CR1L: variants seen among roughly 807,000 people sequenced by gnomAD.
CR1L encodes the protein complement C3b/C4b receptor 1 like.
A neutral mutation model predicts 62.3 loss-of-function variants in CR1L; 59 were observed. The observed-to-expected ratio is 0.95, with a 90% CI of 0.77 to 1.18. The LOEUF is 1.18. CR1L is among the 50% of genes most tolerant of loss of function. The pLI is 0.00. For synonymous variants in CR1L, 279 were observed against 248.7 expected (o/e 1.12, Z -1.15); for missense variants, 700 against 702.8 (o/e 1.00, Z 0.04).
Position 207,677,619 on chromosome 1 carries a change from T to C in CR1L, c.277+51T>C, listed in dbSNP as rs146528197. On this transcript the variant is annotated intron_variant, in intron 2 of 11. Coordinates refer to ENST00000508064, the MANE Select transcript of CR1L (RefSeq NM_175710.2). ...CTCTGTTAGTCAAACATCTGTAAGATCTGATTCAATTTGTTCAAATTTTGT... is the reference window on the plus strand; with the variant it reads ...CTCTGTTAGTCAAACATCTGTAAGACCTGATTCAATTTGTTCAAATTTTGT... 105 of 1,575,792 alleles carry C rather than the reference T, an allele frequency of 6.7e-5. No homozygotes were observed. The East Asian group carries it at 1.4e-3, about 21-fold the overall frequency.
intron 11 of CR1L, among the ~76,000 whole-genome samples, chr1:207,718,085 G>T (rs1346709634): frequency 6.6e-6 from 1 of 152,200 alleles, no homozygotes; most frequent in Non-Finnish European, 1.5e-5. Context: ...ACATGATGAT[G>T]TAATTTACTT....
At chr1:207,703,109 G>A (rs1664217996) in intron 9 of CR1L, among the ~76,000 whole-genome samples, 1 of 152,186 alleles carries the variant, frequency 6.6e-6, no homozygotes, top group Non-Finnish European at 1.5e-5. Context: ...GGTGCAAGGT[G>A]AAGCAACAAG....
At chr1:207,694,783 C>A (rs773688233) in intron 5 of CR1L, 32 bp downstream of exon 5, 44 of 1,611,612 alleles carry the variant, frequency 2.7e-5, no homozygotes, top group Non-Finnish European at 3.6e-5. Context: ...AAGGGCCCTG[C>A]CAGTGACATG....
chr1:207,708,838 T>G (rs4147106), intron 10 of CR1L: 226,933 of 392,432 alleles, frequency 0.58, 70,220 homozygotes, highest in East Asian at 0.87. Flanking sequence ...TTCAAACCCA[T>G]CTGGTGGGAG....
intron 1 of CR1L, chr1:207,655,303 TA>T: frequency 1.8e-6 from 1 of 549,572 alleles, no homozygotes. Context: ...TTTTTTTTTT[TA>T]ATTCAGACCA....
intron 10 of CR1L, among the ~76,000 whole-genome samples, chr1:207,712,255 C>A (rs1440515254): frequency 1.3e-5 from 2 of 152,214 alleles, no homozygotes; most frequent in African/African-American, 4.8e-5. Context: ...GTGACAGTCT[C>A]ATTACCTGAA....
rs116455739 is a variant in CR1L, at chr1:207,717,547, G to A, written c.1498G>A (p.Val500Ile). Residue 500 changes from valine (V) to isoleucine (I), a missense_variant, in exon 11 of 12, where the codon GTA becomes ATA. Physicochemically the swap from Val to Ile is conservative, Grantham distance 29. Coordinates refer to ENST00000508064, the MANE Select transcript of CR1L (RefSeq NM_175710.2). ...TGGAGATATTCCCTATGGAAAAGAAGTATCTTACACATGTGACCCCCACCC... is the reference window on the plus strand; with the variant it reads ...TGGAGATATTCCCTATGGAAAAGAAATATCTTACACATGTGACCCCCACCC... ...PLGDIPYGKEVSYTCDPHPDR... is the reference protein window; with the variant it reads ...PLGDIPYGKEISYTCDPHPDR... 0.058 allele frequency: 94,035 copies of A among 1,613,724 alleles called. 3,177 individuals are homozygous for A. The highest frequency in any genetic ancestry group is 0.067 in the Non-Finnish European group (78,961 of 1,179,704).
intron 9 of CR1L, among the ~76,000 whole-genome samples, chr1:207,707,917 T>A (rs1426229337): frequency 6.6e-6 from 1 of 152,044 alleles, no homozygotes; most frequent in African/African-American, 2.4e-5. Context: ...AAATGATTGT[T>A]TTATTTTGGT....
intron 3 of CR1L, among the ~76,000 whole-genome samples, chr1:207,680,931 G>A (rs1250741296): frequency 1.3e-5 from 2 of 152,174 alleles, no homozygotes; most frequent in African/African-American, 4.8e-5. Context: ...CTATGTAAGT[G>A]ATACCTTACG....
intron 1 of CR1L, among the ~76,000 whole-genome samples, chr1:207,663,646 T>C (rs1459031994): frequency 1.3e-5 from 2 of 152,228 alleles, no homozygotes; most frequent in East Asian, 3.8e-4. Flanking sequence ...CTGCACCCAC[T>C]GTCCTGCACT....
chr1:207,707,324 G>C (rs1664282317), intron 9 of CR1L, among the ~76,000 whole-genome samples: 2 of 152,140 alleles, frequency 1.3e-5, no homozygotes, highest in Admixed American at 1.3e-4. Context: ...TCATGAAAAA[G>C]GTAGTGAAAG....
At chr1:207,663,359 C>A (rs1663456952) in intron 1 of CR1L, among the ~76,000 whole-genome samples, 1 of 152,230 alleles carries the variant, frequency 6.6e-6, no homozygotes, top group South Asian at 2.1e-4. Context: ...GCCCCTCCCC[C>A]AGCCTCACTG....
intron 10 of CR1L, chr1:207,715,457 T>C (rs1558026852): frequency 9.3e-7 from 1 of 1,070,766 alleles, no homozygotes. Flanking sequence ...TCCAGTGTTT[T>C]ACTGCACGGA....
intron 4 of CR1L, among the ~76,000 whole-genome samples, chr1:207,685,337 A>G (rs1416221765): frequency 6.6e-6 from 1 of 152,230 alleles, no homozygotes; most frequent in Non-Finnish European, 1.5e-5. Context: ...CTCTGGGTCT[A>G]TAAACTATTC....
chr1:207,684,009 C>T (rs1169083246), intron 4 of CR1L, 52 bp downstream of exon 4: 2 of 1,537,158 alleles, frequency 1.3e-6, no homozygotes, highest in South Asian at 1.2e-5. Context: ...TCTAATTTTT[C>T]TCTGGAATAA....
At chr1:207,710,575 C>G in intron 10 of CR1L, 1 of 1,610,092 alleles carries the variant, frequency 6.2e-7, no homozygotes, top group South Asian at 1.1e-5. Context: ...TCTGGAGCGG[C>G]CCAGTCCCTC....
intron 10 of CR1L, 72 bp from the exon 11 acceptor site, chr1:207,717,392 G>A (rs1487034146): frequency 8.0e-6 from 12 of 1,504,422 alleles, no homozygotes; most frequent in South Asian, 4.9e-5. Context: ...TAGCACTGTC[G>A]CAGGTCACTA....
At chr1:207,694,205 C>A in intron 4 of CR1L, 148 bp from the exon 5 acceptor site, 1 of 948,946 alleles carries the variant, frequency 1.1e-6, no homozygotes, top group Non-Finnish European at 1.6e-6. Context: ...ATCATATTAT[C>A]CCCACCAAAA....
chr1:207,698,109 A>C (rs1349149558), intron 7 of CR1L, among the ~76,000 whole-genome samples: 1 of 152,184 alleles, frequency 6.6e-6, no homozygotes, highest in African/African-American at 2.4e-5. Flanking sequence ...TGGCAAATTC[A>C]AAGACAAGTA....
Sources: allele counts gnomAD v4.1 joint callset (sites outside exome capture counted in the v4.1 genomes callset), GRCh38; gene constraint gnomAD v4.1.1; transcripts MANE v1.5; gene names NCBI Gene and HGNC (gene_info 2026-07-23, HGNC 2026-07-21).